The following HDAC4 variants were observed in gnomAD, a reference collection of about 807,000 sequenced individuals.
HDAC4 encodes the protein histone deacetylase A.
Under a neutral mutation model 135.1 loss-of-function variants are expected in HDAC4, and 16 were observed. The ratio of observed to expected loss-of-function variants is 0.12; its 90% confidence interval spans 0.08 to 0.18. The LOEUF is 0.18. Ranked by LOEUF, HDAC4 falls within the 10% of genes least tolerant of loss-of-function variation. The probability of loss-of-function intolerance (pLI) is 1.00; values close to 1 mark genes in which losing one functional copy is unlikely to be tolerated. For synonymous variants in HDAC4, 685 were observed against 653.4 expected (o/e 1.05, Z -0.74); for missense variants, 1,143 against 1,511.8 (o/e 0.76, Z 4.05).
chr2:239,079,078 G>C (rs953909233), intron 22 of HDAC4, among the ~76,000 whole-genome samples: 1 of 152,212 alleles, frequency 6.6e-6, no homozygotes, highest in Non-Finnish European at 1.5e-5. Context: ...AGCCTCCAAG[G>C]GGGGCCAGTT....
intron 2 of HDAC4, among the ~76,000 whole-genome samples, chr2:239,275,888 G>C (rs1352235864): frequency 6.6e-6 from 1 of 152,204 alleles, no homozygotes; most frequent in Non-Finnish European, 1.5e-5. Flanking sequence ...GGGCGGAGAA[G>C]ATGAAGCTCC....
intron 3 of HDAC4, among the ~76,000 whole-genome samples, chr2:239,220,083 C>T (rs989947902): frequency 6.6e-6 from 1 of 152,168 alleles, no homozygotes; most frequent in African/African-American, 2.4e-5. Flanking sequence ...TTTACAAAAA[C>T]CAATGCCACA....
chr2:239,256,656 C>G (rs1352062706), intron 2 of HDAC4, among the ~76,000 whole-genome samples: 1 of 152,218 alleles, frequency 6.6e-6, no homozygotes, highest in Non-Finnish European at 1.5e-5. Context: ...GTTTTTGTGT[C>G]CATGACCCTG....
intron 12 of HDAC4, among the ~76,000 whole-genome samples, chr2:239,119,917 TGGGG>T (rs2039486623): frequency 6.6e-6 from 1 of 151,406 alleles, no homozygotes. Context: ...CCAGCGGCAG[TGGGG>T]ACCACCCGTG....
In HDAC4 at chr2:239,395,531, G is replaced by C. The variant is rs1248868461; in HGVS notation, c.-220+5447C>G. Among the ~76,000 whole-genome samples the C allele has an allele frequency of 1.3e-5, 2 of 152,190 alleles. 1 individual carries two copies. The highest frequency in any genetic ancestry group is 4.8e-5 in the African/African-American group (2 of 41,432). On this transcript the variant is annotated intron_variant, in intron 1 of 26. Coordinates refer to ENST00000543185, the MANE Select transcript of HDAC4 (RefSeq NM_001378414.1). The stretch of plus-strand genomic sequence containing the variant: ...TTCTTTCCAATGAAGATATCTAAAT[G>C]TTTTCAAATTACTACTGTAAAAAAG...
At chr2:239,059,516 G>C (rs2032361559) in intron 24 of HDAC4, among the ~76,000 whole-genome samples, 1 of 152,180 alleles carries the variant, frequency 6.6e-6, no homozygotes, top group East Asian at 1.9e-4. Flanking sequence ...AGGAAACTGG[G>C]GACACTTAAC....
At chr2:239,328,106 T>C (rs892623961) in intron 2 of HDAC4, among the ~76,000 whole-genome samples, 2 of 152,160 alleles carry the variant, frequency 1.3e-5, no homozygotes, top group African/African-American at 4.8e-5. Flanking sequence ...CATCCACCTA[T>C]AGCAGGGGCT....
chr2:239,205,839 T>G (rs1321199342), intron 3 of HDAC4, among the ~76,000 whole-genome samples: 1 of 152,126 alleles, frequency 6.6e-6, no homozygotes, highest in African/African-American at 2.4e-5. Context: ...TGCTCAGTGT[T>G]AAAGTGTCTG....
chr2:239,168,634 CGTGT>C (rs2043257299), intron 5 of HDAC4, among the ~76,000 whole-genome samples: 1 of 152,210 alleles, frequency 6.6e-6, no homozygotes, highest in South Asian at 2.1e-4. Context: ...GGCGGTGCTT[CGTGT>C]CCCCCGCGCC....
intron 16 of HDAC4, among the ~76,000 whole-genome samples, chr2:239,096,860 A>G (rs1162896744): frequency 6.6e-6 from 1 of 152,064 alleles, no homozygotes; most frequent in Non-Finnish European, 1.5e-5. Context: ...TGGAGGTCAC[A>G]GATCTGCATC....
intron 2 of HDAC4, among the ~76,000 whole-genome samples, chr2:239,287,030 G>C (rs1341959574): frequency 6.6e-6 from 1 of 152,204 alleles, no homozygotes; most frequent in African/African-American, 2.4e-5. Context: ...CAAGTGCACA[G>C]GGAGTTGGAC....
At chr2:239,356,728 C>A in intron 1 of HDAC4, among the ~76,000 whole-genome samples, 1 of 152,122 alleles carries the variant, frequency 6.6e-6, no homozygotes, top group East Asian at 1.9e-4. Context: ...AACATTTATG[C>A]ACCTGTTGGC....
intron 2 of HDAC4, among the ~76,000 whole-genome samples, chr2:239,334,598 C>T (rs894380744): frequency 1.3e-5 from 2 of 151,584 alleles, no homozygotes; most frequent in Admixed American, 6.6e-5. Context: ...TACAGATGCT[C>T]GAAAAAAATA....
chr2:239,253,119 A>T (rs1041255508), intron 2 of HDAC4, among the ~76,000 whole-genome samples: 2 of 152,248 alleles, frequency 1.3e-5, no homozygotes, highest in African/African-American at 2.4e-5. Context: ...AAGATATTAG[A>T]GTCTCGGGAA....
rs574669362 is a variant in HDAC4, at chr2:239,111,452, C to A, written c.1978+74G>T. 1.0e-5 allele frequency: 15 copies of A among 1,434,686 alleles called. No individual in the cohort carries two copies. The Admixed American group carries it at 1.6e-4, about 15-fold the overall frequency. The allele number at this position is 1,434,686 out of a possible 1,614,324, so 88.9% of individuals were successfully genotyped here. A position where few individuals can be genotyped will look rare whatever the true frequency, so the allele number is the denominator to read the frequency against. ...CTCCTCAGCCTCTGCAGAGCTGGGC[C>A]GGGAAGAGCCCCCCGCGCTGTGCCC... On this transcript the variant is annotated intron_variant, in intron 14 of 26. Transcript: ENST00000543185.
At chr2:239,092,393 A>C (rs976944156) in intron 17 of HDAC4, among the ~76,000 whole-genome samples, 1 of 152,224 alleles carries the variant, frequency 6.6e-6, no homozygotes, top group Non-Finnish European at 1.5e-5. Flanking sequence ...GACAGCACCC[A>C]GAGATGGTTT....
chr2:239,221,077 A>T (rs2046924234), intron 3 of HDAC4, among the ~76,000 whole-genome samples: 1 of 152,210 alleles, frequency 6.6e-6, no homozygotes, highest in South Asian at 2.1e-4. Context: ...TGAGGCACAG[A>T]GGCCTCACCG....
chr2:239,079,451 G>A (rs1269899016), intron 22 of HDAC4, among the ~76,000 whole-genome samples: 3 of 152,194 alleles, frequency 2.0e-5, no homozygotes, highest in Admixed American at 2.0e-4. Context: ...GAACCACTGA[G>A]TGCCTGGGGA....
chr2:239,377,995 A>G (rs1037416609), intron 1 of HDAC4, among the ~76,000 whole-genome samples: 9 of 152,246 alleles, frequency 5.9e-5, no homozygotes, highest in African/African-American at 2.2e-4. Context: ...GGTTTTCAAA[A>G]AGAATTATGG....
Sources: allele counts gnomAD v4.1 joint callset (sites outside exome capture counted in the v4.1 genomes callset), GRCh38; gene constraint gnomAD v4.1.1; transcripts MANE v1.5; gene names NCBI Gene and HGNC (gene_info 2026-07-23, HGNC 2026-07-21).